Variants in SPAG16 observed in about 807,000 individuals in gnomAD.
The protein encoded by SPAG16 is sperm associated antigen 16.
A neutral mutation model predicts 80.4 loss-of-function variants in SPAG16; 86 were observed. The observed-to-expected ratio is 1.07, with a 90% confidence interval of 0.90 to 1.28. The LOEUF (loss-of-function observed/expected upper bound fraction) is 1.28, where lower values mean the gene tolerates loss of function less well. Ranked by LOEUF, SPAG16 falls within the 50% of genes most tolerant of loss-of-function variation. SPAG16 has a pLI of 0.00. For synonymous variants in SPAG16, 294 were observed against 265.9 expected, an observed-to-expected ratio of 1.11 and a Z score of -1.03; for missense variants, 870 against 765.3, an observed-to-expected ratio of 1.14 and a Z score of -1.61.
intron 12 of SPAG16, among the ~76,000 whole-genome samples, chr2:214,002,994 A>C (rs2046863499): frequency 6.6e-6 from 1 of 152,192 alleles, no homozygotes; most frequent in African/African-American, 2.4e-5. Flanking sequence ...TGTGCTTGCA[A>C]GCCCACTCTC....
chr2:213,517,808 A>G (rs2075494939), intron 10 of SPAG16, among the ~76,000 whole-genome samples: 1 of 152,184 alleles, frequency 6.6e-6, no homozygotes, highest in Non-Finnish European at 1.5e-5. Flanking sequence ...TTAACTCAAG[A>G]TGGATTAAAG....
intron 13 of SPAG16, among the ~76,000 whole-genome samples, chr2:214,054,377 A>C (rs2049824708): frequency 6.6e-6 from 1 of 152,202 alleles, no homozygotes; most frequent in South Asian, 2.1e-4. Context: ...GTAACAATTA[A>C]AATCTCAGAG....
intron 14 of SPAG16, among the ~76,000 whole-genome samples, chr2:214,110,217 G>A (rs543658619): frequency 2.0e-5 from 3 of 152,188 alleles, no homozygotes; most frequent in Non-Finnish European, 4.4e-5. Context: ...GTATACATGT[G>A]CCATGTTGGT....
At chr2:213,684,972 G>T (rs1409343926) in intron 10 of SPAG16, among the ~76,000 whole-genome samples, 1 of 152,172 alleles carries the variant, frequency 6.6e-6, no homozygotes, top group East Asian at 1.9e-4. Context: ...TGATAAGGGG[G>T]TTTACAGAAT....
At chr2:214,395,256 A>G (rs1329690387) in intron 15 of SPAG16, among the ~76,000 whole-genome samples, 1 of 152,214 alleles carries the variant, frequency 6.6e-6, no homozygotes, top group African/African-American at 2.4e-5. Flanking sequence ...TGGCAAGAGT[A>G]TGTTTACTTT....
chr2:214,074,394 A>G (rs925705742), intron 13 of SPAG16, among the ~76,000 whole-genome samples: 2 of 152,218 alleles, frequency 1.3e-5, no homozygotes, highest in African/African-American at 4.8e-5. Context: ...TATACAATAC[A>G]CAGGAATTAA....
chr2:213,786,021 A>AATTTT (rs1169003163), intron 10 of SPAG16, among the ~76,000 whole-genome samples: 1 of 151,990 alleles, frequency 6.6e-6, no homozygotes, highest in African/African-American at 2.4e-5. Flanking sequence ...AAAAAAAAAG[A>AATTTT]ATTTTATATA....
At chr2:214,006,781 C>T (rs2047043554) in intron 12 of SPAG16, among the ~76,000 whole-genome samples, 1 of 152,352 alleles carries the variant, frequency 6.6e-6, no homozygotes, top group African/African-American at 2.4e-5. Flanking sequence ...ACTCTTGCAG[C>T]CTGTCTGCCA....
intron 10 of SPAG16, among the ~76,000 whole-genome samples, chr2:213,817,160 AAT>A (rs1194708828): frequency 1.3e-5 from 2 of 149,984 alleles, no homozygotes; most frequent in Non-Finnish European, 3.0e-5. Context: ...CAGTACATAT[AAT>A]AGTTTTTATT....
intron 10 of SPAG16, among the ~76,000 whole-genome samples, chr2:213,720,885 A>G (rs957152662): frequency 6.7e-6 from 1 of 149,780 alleles, no homozygotes; most frequent in Non-Finnish European, 1.5e-5. Flanking sequence ...AGCTGGGACT[A>G]CAGTTGCCTG....
At chr2:213,971,027 C>A (rs1031118543) in intron 12 of SPAG16, among the ~76,000 whole-genome samples, 4 of 152,116 alleles carry the variant, frequency 2.6e-5, no homozygotes, top group Admixed American at 2.6e-4. Flanking sequence ...AAATTGGCAT[C>A]TGTTTTATTT....
intron 10 of SPAG16, among the ~76,000 whole-genome samples, chr2:213,631,876 G>T (rs2062165591): frequency 6.6e-6 from 1 of 152,078 alleles, no homozygotes; most frequent in South Asian, 2.1e-4. Flanking sequence ...ATGCTGTTTG[G>T]TTACAGTAGC....
At chr2:213,508,414 T>C (rs1454133497) in intron 10 of SPAG16, among the ~76,000 whole-genome samples, 1 of 151,598 alleles carries the variant, frequency 6.6e-6, no homozygotes, top group Admixed American at 6.6e-5. Flanking sequence ...CTACTAAAAA[T>C]ACAAAAAATT....
rs982890661 is a variant in SPAG16, at chr2:213,702,411, T to C, written c.1071-160074T>C. Among the ~76,000 whole-genome samples the C allele has an allele frequency of 5.3e-5, 8 of 152,334 alleles. 1 individual carries two copies. In the South Asian group the frequency reaches 1.7e-3, roughly 32 times the overall value. The stretch of plus-strand genomic sequence containing the variant: ...TTGGGTCCATGCAGCATTTATGAGC[T>C]GTAACACTCACCGCGAAGGTCTGCA... On this transcript the variant is annotated intron_variant, in intron 10 of 15. Transcript: ENST00000331683.
intron 15 of SPAG16, among the ~76,000 whole-genome samples, chr2:214,262,716 A>G (rs1014148615): frequency 1.7e-4 from 25 of 147,454 alleles, no homozygotes; most frequent in African/African-American, 6.2e-4. Flanking sequence ...ATTTGGCTCT[A>G]AAAGTATTTG....
At chr2:213,328,835 C>G (rs1348351205) in intron 5 of SPAG16, among the ~76,000 whole-genome samples, 1 of 152,120 alleles carries the variant, frequency 6.6e-6, no homozygotes, top group Non-Finnish European at 1.5e-5. Context: ...TGTGTCCCCA[C>G]CCAAATCTCA....
At chr2:213,818,378 C>T (rs529632737) in intron 10 of SPAG16, among the ~76,000 whole-genome samples, 1 of 152,216 alleles carries the variant, frequency 6.6e-6, no homozygotes, top group Admixed American at 6.5e-5. Flanking sequence ...TTTCTTGGCT[C>T]ATTCATTTCT....
chr2:214,382,275 T>C (rs1700493433), intron 15 of SPAG16, among the ~76,000 whole-genome samples: 1 of 152,232 alleles, frequency 6.6e-6, no homozygotes, highest in Non-Finnish European at 1.5e-5. Flanking sequence ...CCATCACAAA[T>C]GTGCAAAGAA....
chr2:214,065,530 A>T (rs1211613544), intron 13 of SPAG16, among the ~76,000 whole-genome samples: 1 of 152,156 alleles, frequency 6.6e-6, no homozygotes, highest in Non-Finnish European at 1.5e-5. Flanking sequence ...TTAGTATTTG[A>T]GAATGGAATA....
Sources: gnomAD v4.1 joint callset for allele counts (sites outside exome capture counted in the v4.1 genomes callset) on GRCh38, gnomAD v4.1.1 for gene constraint, MANE v1.5 for transcripts, NCBI Gene and HGNC (gene_info 2026-07-23, HGNC 2026-07-21) for gene names.